The following MAST4 variants were observed in gnomAD, a reference collection of about 807,000 sequenced individuals.
MAST4 encodes the protein microtubule associated serine/threonine kinase family member 4, also known as microtubule-associated serine/threonine-protein kinase 4.
Under a neutral mutation model 162.7 loss-of-function variants are expected in MAST4, and 89 were observed. The observed-to-expected ratio is 0.55, with a 90% CI of 0.46 to 0.65. MAST4 has a LOEUF of 0.65. Among genes scored for constraint, MAST4 ranks in the 30% least tolerant of loss-of-function variants. The pLI is 0.00. For synonymous variants in MAST4, 1,479 were observed against 1,361.1 expected (o/e 1.09, Z -1.91); for missense variants, 3,153 against 3,374.0 (o/e 0.93, Z 1.62).
chr5:66,735,149 T>A (rs985411492), intron 1 of MAST4, among the ~76,000 whole-genome samples: 1 of 152,244 alleles, frequency 6.6e-6, no homozygotes, highest in African/African-American at 2.4e-5. Flanking sequence ...TACAGGTGAA[T>A]CTTTTCTACC....
chr5:67,050,507 G>A (rs978941344), intron 4 of MAST4, among the ~76,000 whole-genome samples: 3 of 152,130 alleles, frequency 2.0e-5, no homozygotes, highest in Admixed American at 6.5e-5. Context: ...CATTCTTCTC[G>A]GATTCTGTAG....
chr5:66,950,458 C>T (rs1744542430), intron 4 of MAST4, among the ~76,000 whole-genome samples: 1 of 152,036 alleles, frequency 6.6e-6, no homozygotes, highest in African/African-American at 2.4e-5. Flanking sequence ...AATAGCCATT[C>T]CACTTTGTCT....
chr5:66,760,769 T>C (rs961374985), intron 2 of MAST4, among the ~76,000 whole-genome samples: 2 of 152,208 alleles, frequency 1.3e-5, no homozygotes, highest in East Asian at 3.8e-4. Flanking sequence ...TATACTACTG[T>C]AGGATAACTG....
At chr5:67,006,480 C>CAACATGGT (rs1752050049) in intron 4 of MAST4, among the ~76,000 whole-genome samples, 1 of 152,182 alleles carries the variant, frequency 6.6e-6, no homozygotes, top group Admixed American at 6.5e-5. Context: ...GGCCACTGCT[C>CAACATGGT]AACATGGTGA....
Position 66,935,294 on chromosome 5 carries a change from G to C in MAST4, c.674+35312G>C, listed in dbSNP as rs76083447. On this transcript the variant is annotated intron_variant, in intron 4 of 28. Transcript: ENST00000403625. ...AACTTGCGGTTAGTCGTTAGATTTTGATACTATGTGGTATGATGTTTTTAG... is the reference window on the plus strand; with the variant it reads ...AACTTGCGGTTAGTCGTTAGATTTTCATACTATGTGGTATGATGTTTTTAG... Among the ~76,000 whole-genome samples the C allele has an allele frequency of 1.1e-3, 166 of 152,314 alleles. No homozygotes were observed. In the East Asian group the frequency reaches 0.013, roughly 12 times the overall value.
At position 67,135,456 on chromosome 5, in the gene MAST4, C is replaced by CACGT. The variant is rs1769489701; in HGVS notation, c.2392+772_2392+775dup. The stretch of plus-strand genomic sequence containing the variant: ...AGGCATCACTGACATCTTTATCAGC[C>CACGT]ACGTACGGTCTATTTGGACTGTGTT... On this transcript the variant is annotated intron_variant, in intron 18 of 28. Transcript: ENST00000403625. Among the ~76,000 whole-genome samples, 3 of 152,164 alleles carry CACGT rather than the reference C, an allele frequency of 2.0e-5. No homozygotes were observed. In the South Asian group the frequency reaches 6.2e-4, roughly 31 times the overall value.
chr5:66,851,840 C>G (rs943801522), intron 3 of MAST4, among the ~76,000 whole-genome samples: 19 of 152,254 alleles, frequency 1.2e-4, no homozygotes, highest in African/African-American at 4.6e-4. Flanking sequence ...TGTTTTCAGA[C>G]TTGCTAAGTG....
At chr5:66,648,085 A>G (rs113764557) in intron 1 of MAST4, among the ~76,000 whole-genome samples, 1 of 81,008 alleles carries the variant, frequency 1.2e-5, no homozygotes, top group Non-Finnish European at 2.5e-5. Flanking sequence ...TGTGTGTGTG[A>G]GAGAGAGAGA....
intron 4 of MAST4, among the ~76,000 whole-genome samples, chr5:67,032,630 G>C (rs1420894595): frequency 6.6e-6 from 1 of 152,060 alleles, no homozygotes; most frequent in Non-Finnish European, 1.5e-5. Context: ...TACCTGACTT[G>C]ATGATTTTTC....
intron 18 of MAST4, among the ~76,000 whole-genome samples, chr5:67,135,458 C>T (rs1209778809): frequency 1.3e-5 from 2 of 152,172 alleles, no homozygotes; most frequent in Non-Finnish European, 2.9e-5. Context: ...TTATCAGCCA[C>T]GTACGGTCTA....
At chr5:66,875,815 C>A (rs1279349637) in intron 3 of MAST4, among the ~76,000 whole-genome samples, 1 of 152,178 alleles carries the variant, frequency 6.6e-6, no homozygotes, top group Non-Finnish European at 1.5e-5. Context: ...GGCTGGAGTG[C>A]GGTAGCACAG....
intron 3 of MAST4, among the ~76,000 whole-genome samples, chr5:66,853,253 G>A (rs1759444466): frequency 2.0e-5 from 3 of 152,198 alleles, no homozygotes; most frequent in African/African-American, 7.2e-5. Flanking sequence ...CGGAGTAAGT[G>A]TAACTGGTCT....
chr5:66,634,120 T>C (rs1744951586), intron 1 of MAST4, among the ~76,000 whole-genome samples: 1 of 152,200 alleles, frequency 6.6e-6, no homozygotes, highest in Admixed American at 6.5e-5. Flanking sequence ...AGTCCAGTGG[T>C]GCAATCTTGG....
intron 3 of MAST4, among the ~76,000 whole-genome samples, chr5:66,852,381 G>A (rs915060936): frequency 2.6e-5 from 4 of 152,182 alleles, no homozygotes; most frequent in Non-Finnish European, 5.9e-5. Context: ...CTGGGCTCAA[G>A]CGGATCTGCT....
chr5:66,712,830 A>T lies in MAST4; in HGVS notation c.364-46879A>T, dbSNP rs115248345. ...TCTATAGAGAAATAAAAACTATCAG[A>T]AAATGGGTTGAATTTGCTCCTATTT... On this transcript the variant is annotated intron_variant, in intron 1 of 28. Coordinates refer to ENST00000403625, the MANE Select transcript of MAST4 (RefSeq NM_001164664.2). Among the ~76,000 whole-genome samples, 1,046 of 152,366 alleles carry T rather than the reference A, an allele frequency of 6.9e-3. 11 individuals carry two copies. The highest frequency in any genetic ancestry group is 0.024 in the African/African-American group (981 of 41,586).
intron 1 of MAST4, among the ~76,000 whole-genome samples, chr5:66,607,483 G>T (rs1045780572): frequency 6.6e-6 from 1 of 152,204 alleles, no homozygotes; most frequent in Non-Finnish European, 1.5e-5. Flanking sequence ...AATTATACTT[G>T]TAGCAGTTAA....
chr5:67,156,741 G>T (rs1772585909), intron 26 of MAST4, among the ~76,000 whole-genome samples: 1 of 152,220 alleles, frequency 6.6e-6, no homozygotes, highest in Admixed American at 6.5e-5. Flanking sequence ...GCCAAGATTG[G>T]GTAGTGAAGG....
rs1434272936 is a variant in MAST4 at position 67,160,587 on chromosome 5, C to T, written c.3780C>T (p.Leu1260=). Residue 1260 remains leucine (L), a synonymous_variant, in exon 27 of 29, where the codon CTC becomes CTT. Coordinates refer to ENST00000403625, the MANE Select transcript of MAST4 (RefSeq NM_001164664.2). The part of the protein sequence containing the change: ...RSKKSKKKES[L]ERRRSLFKKL... ...AGAAATCCAAGAAGAAAGAAAGTCT[C>T]GAAAGGTTAGTAAAATCAGTATTCT... The T allele has an allele frequency of 1.2e-6, 2 of 1,613,156 alleles. No individual in the cohort carries two copies. The highest frequency in any genetic ancestry group is 1.7e-5 in the Admixed American group (1 of 59,888).
At chr5:66,615,421 G>A (rs1164160111) in intron 1 of MAST4, among the ~76,000 whole-genome samples, 3 of 152,158 alleles carry the variant, frequency 2.0e-5, no homozygotes, top group Admixed American at 6.5e-5. Flanking sequence ...TTGGCAGCAA[G>A]CACAACAGGC....
Sources: gnomAD v4.1 joint callset for allele counts (sites outside exome capture counted in the v4.1 genomes callset) on GRCh38, gnomAD v4.1.1 for gene constraint, MANE v1.5 for transcripts, NCBI Gene and HGNC (gene_info 2026-07-23, HGNC 2026-07-21) for gene names.